Variants in CATSPERB observed in about 807,000 individuals in gnomAD.
CATSPERB encodes the protein cation channel sperm-associated auxiliary subunit beta.
A neutral mutation model predicts 128.3 loss-of-function variants in CATSPERB; 93 were observed. The observed-to-expected ratio is 0.72, with a 90% CI of 0.61 to 0.86. The LOEUF (loss-of-function observed/expected upper bound fraction) is 0.86. CATSPERB is among the 40% of genes least tolerant of loss of function. The pLI is 0.00. For missense variants in CATSPERB, 1,153 were observed against 1,329.5 expected (o/e 0.87, Z 2.06); for synonymous variants, 381 against 448.8 (o/e 0.85, Z 1.91).
At chr14:91,731,355 C>T (rs1896206603) in intron 1 of CATSPERB, among the ~76,000 whole-genome samples, 2 of 152,086 alleles carry the variant, frequency 1.3e-5, no homozygotes, top group Admixed American at 1.3e-4. Flanking sequence ...ACAACTTTTC[C>T]TTATTTGATA....
intron 11 of CATSPERB, among the ~76,000 whole-genome samples, chr14:91,683,374 A>G (rs1330933787): frequency 2.6e-5 from 4 of 152,218 alleles, no homozygotes; most frequent in Admixed American, 6.5e-5. Context: ...CACAATGGAA[A>G]GTTGCAACTG....
chr14:91,616,920 T>A (rs1411337085), intron 20 of CATSPERB, among the ~76,000 whole-genome samples: 3 of 152,116 alleles, frequency 2.0e-5, no homozygotes, highest in East Asian at 3.9e-4. Flanking sequence ...ATTTTTGTAT[T>A]TTTAGTAGAG....
intron 26 of CATSPERB, among the ~76,000 whole-genome samples, chr14:91,583,454 T>G: frequency 6.6e-6 from 1 of 152,170 alleles, no homozygotes; most frequent in Non-Finnish European, 1.5e-5. Flanking sequence ...TTTAAGCCAT[T>G]TATTATATTT....
intron 20 of CATSPERB, among the ~76,000 whole-genome samples, chr14:91,616,675 G>T (rs1385478052): frequency 2.7e-5 from 4 of 148,440 alleles, no homozygotes; most frequent in Admixed American, 2.7e-4. Context: ...TAAGAACATG[G>T]TATAAATAAT....
intron 23 of CATSPERB, among the ~76,000 whole-genome samples, chr14:91,590,791 C>G (rs1421106165): frequency 6.6e-6 from 1 of 151,848 alleles, no homozygotes; most frequent in Non-Finnish European, 1.5e-5. Flanking sequence ...GCTGGGACTA[C>G]AGGCGCCCAC....
chr14:91,586,924 C>T lies in CATSPERB; in HGVS notation c.3132+278G>A, dbSNP rs536307390. On this transcript the variant is annotated intron_variant, in intron 26 of 26. Transcript: ENST00000256343. ...GCATTAAAAGTCAGAAAACTGGGCT[C>T]AACAAGGAAGGTGGAGAAGGAACAA... 7.2e-5 allele frequency among the ~76,000 whole-genome samples: 11 copies of T among 152,210 alleles called. 1 individual carries two copies. The highest frequency in any genetic ancestry group is 3.4e-3 in the Middle Eastern group (1 of 294).
At chr14:91,613,633 A>C (rs1259378322) in intron 20 of CATSPERB, among the ~76,000 whole-genome samples, 7 of 152,124 alleles carry the variant, frequency 4.6e-5, no homozygotes, top group Non-Finnish European at 1.0e-4. Flanking sequence ...GATTGTCAGC[A>C]CTGCCAACTG....
intron 7 of CATSPERB, among the ~76,000 whole-genome samples, chr14:91,695,129 A>ATTT (rs34458723): frequency 1.5e-3 from 200 of 133,522 alleles, no homozygotes; most frequent in African/African-American, 4.6e-3. Context: ...AATGGTGGGA[A>ATTT]TTTTTTTTTT....
chr14:91,660,634 C>T (rs1419541897), intron 14 of CATSPERB, among the ~76,000 whole-genome samples: 2 of 151,296 alleles, frequency 1.3e-5, no homozygotes, highest in African/African-American at 4.9e-5. Flanking sequence ...GACTCATTCA[C>T]ATGAAGATTT....
intron 10 of CATSPERB, among the ~76,000 whole-genome samples, chr14:91,686,072 T>C (rs557795355): frequency 5.4e-4 from 83 of 152,302 alleles, no homozygotes; most frequent in African/African-American, 1.8e-3. Context: ...TCCAAGTTAC[T>C]CAAGTTTCTG....
chr14:91,726,223 G>A (rs541394635), intron 2 of CATSPERB, among the ~76,000 whole-genome samples: 20 of 152,278 alleles, frequency 1.3e-4, no homozygotes, highest in Non-Finnish European at 1.9e-4. Flanking sequence ...CACTTAAACC[G>A]TCCGTGGACA....
chr14:91,712,044 A>G (rs993641988), intron 5 of CATSPERB, among the ~76,000 whole-genome samples: 11 of 152,188 alleles, frequency 7.2e-5, no homozygotes, highest in Non-Finnish European at 1.5e-4. Context: ...ACACAACATC[A>G]CAATTTATTG....
rs760114399 is a variant in CATSPERB at position 91,708,237 on chromosome 14, C to A, written c.371-1G>T. 1 of 1,587,690 alleles carries A rather than the reference C, an allele frequency of 6.3e-7. No individual in the cohort carries two copies. The highest frequency in any genetic ancestry group is 8.6e-7 in the Non-Finnish European group (1 of 1,162,860). ...AACCATTCTTCTACAGCTGCAATAT[C>A]TGTTTGAAAACAAAAGGCAAATAAT... is the stretch of plus-strand genomic sequence containing the variant. On this transcript the variant is annotated splice_acceptor_variant, in intron 5 of 26. Coordinates refer to ENST00000256343, the MANE Select transcript of CATSPERB (RefSeq NM_024764.4). LOFTEE classifies it high-confidence loss of function.
chr14:91,639,418 G>C (rs888714774), intron 15 of CATSPERB, among the ~76,000 whole-genome samples, 168 bp from the exon 16 acceptor site: 4 of 152,134 alleles, frequency 2.6e-5, no homozygotes, highest in African/African-American at 9.7e-5. Flanking sequence ...TCCCTGGAAA[G>C]CCTTTTCCAG....
rs144200130 is a variant in CATSPERB, at chr14:91,604,614, A to C, written c.2709+3680T>G. Reference sequence around the variant, plus strand: ...CCATAGTTATAGAAGGGACTGTTCCAGGCCTGATTGTTCCAGGACTGGGTG... The same window carrying C: ...CCATAGTTATAGAAGGGACTGTTCCCGGCCTGATTGTTCCAGGACTGGGTG... On this transcript the variant is annotated intron_variant, in intron 22 of 26. Coordinates refer to ENST00000256343, the MANE Select transcript of CATSPERB (RefSeq NM_024764.4). 228 of 1,611,172 alleles carry C rather than the reference A, an allele frequency of 1.4e-4. No homozygotes were observed. In the African/African-American group the frequency reaches 2.4e-3, roughly 17 times the overall value.
chr14:91,715,332 T>C (rs1249134863), intron 5 of CATSPERB, among the ~76,000 whole-genome samples: 2 of 151,732 alleles, frequency 1.3e-5, no homozygotes, highest in Non-Finnish European at 2.9e-5. Flanking sequence ...GAGGCCGAGG[T>C]GGGTGGATCA....
intron 5 of CATSPERB, 65 bp from the exon 6 acceptor site, chr14:91,708,301 G>T: frequency 9.5e-7 from 1 of 1,057,272 alleles, no homozygotes; most frequent in South Asian, 1.4e-5. Flanking sequence ...TGAAATTTAA[G>T]GATATGTGAA....
At chr14:91,610,733 G>A in intron 20 of CATSPERB, 56 bp from the exon 21 acceptor site, 1 of 1,513,498 alleles carries the variant, frequency 6.6e-7, no homozygotes, top group Non-Finnish European at 9.0e-7. Context: ...GGACTGAACT[G>A]TGTCCAACCA....
chr14:91,602,054 A>C (rs1347243811), intron 22 of CATSPERB, among the ~76,000 whole-genome samples: 2 of 152,180 alleles, frequency 1.3e-5, no homozygotes, highest in Non-Finnish European at 2.9e-5. Flanking sequence ...AAGATGTCAA[A>C]GTTATTACAG....
Sources: gnomAD v4.1 joint callset for allele counts (sites outside exome capture counted in the v4.1 genomes callset) on GRCh38, gnomAD v4.1.1 for gene constraint, MANE v1.5 for transcripts, NCBI Gene and HGNC (gene_info 2026-07-23, HGNC 2026-07-21) for gene names.